The following PTPRK variants were observed in gnomAD, a reference collection of about 807,000 sequenced individuals.
The protein encoded by PTPRK is protein tyrosine phosphatase receptor type K, also known as receptor-type tyrosine-protein phosphatase kappa.
A neutral mutation model predicts 178.0 loss-of-function variants in PTPRK; 75 were observed. That is an observed-to-expected ratio of 0.42 (90% CI 0.35 to 0.51). The LOEUF is 0.51. Among genes scored for constraint, PTPRK ranks in the 20% least tolerant of loss-of-function variants. The pLI, the probability that PTPRK is intolerant of heterozygous loss-of-function variation, is 0.02. For missense variants in PTPRK, 1,441 were observed against 1,797.8 expected, an observed-to-expected ratio of 0.80 and a Z score of 3.59; for synonymous variants, 637 against 620.6, an observed-to-expected ratio of 1.03 and a Z score of -0.39.
intron 7 of PTPRK, among the ~76,000 whole-genome samples, chr6:128,153,287 T>G (rs1327587887): frequency 6.6e-6 from 1 of 151,630 alleles, no homozygotes; most frequent in African/African-American, 2.4e-5. Context: ...TAGTGAAGAC[T>G]GATTAAAAAA....
At chr6:128,255,760 C>T (rs1817186904) in intron 3 of PTPRK, among the ~76,000 whole-genome samples, 1 of 152,192 alleles carries the variant, frequency 6.6e-6, no homozygotes, top group Non-Finnish European at 1.5e-5. Flanking sequence ...GTGGGTGGGA[C>T]CCACCGATCC....
chr6:128,441,232 T>C (rs1050780844), intron 1 of PTPRK, among the ~76,000 whole-genome samples: 2 of 152,194 alleles, frequency 1.3e-5, no homozygotes, highest in African/African-American at 4.8e-5. Flanking sequence ...ACCAACACTA[T>C]GAATTTTGGG....
At chr6:128,429,153 A>C (rs981275789) in intron 1 of PTPRK, among the ~76,000 whole-genome samples, 1 of 152,328 alleles carries the variant, frequency 6.6e-6, no homozygotes, top group African/African-American at 2.4e-5. Flanking sequence ...CACTTAGCTT[A>C]TGTGTGTGTC....
At chr6:128,488,608 A>G (rs1354125786) in intron 1 of PTPRK, among the ~76,000 whole-genome samples, 1 of 152,184 alleles carries the variant, frequency 6.6e-6, no homozygotes, top group African/African-American at 2.4e-5. Context: ...TAAGGGTTCC[A>G]CCTCACCTTT....
chr6:128,120,349 C>A (rs1467302196), intron 7 of PTPRK, among the ~76,000 whole-genome samples: 1 of 151,930 alleles, frequency 6.6e-6, no homozygotes, highest in African/African-American at 2.4e-5. Context: ...ACCTCAGAAA[C>A]TTCTGAATGT....
intron 2 of PTPRK, among the ~76,000 whole-genome samples, chr6:128,379,326 A>T (rs1244848447): frequency 6.6e-6 from 1 of 152,110 alleles, no homozygotes; most frequent in Non-Finnish European, 1.5e-5. Flanking sequence ...TCATTCTTTG[A>T]GATATTGACT....
chr6:128,249,310 A>AAC (rs1816054506), intron 3 of PTPRK, among the ~76,000 whole-genome samples: 1 of 150,456 alleles, frequency 6.6e-6, no homozygotes, highest in African/African-American at 2.5e-5. Context: ...AAAAAAAAAA[A>AAC]AAACAGTATT....
chr6:128,330,084 A>G (rs1830073714), intron 2 of PTPRK, among the ~76,000 whole-genome samples: 1 of 152,318 alleles, frequency 6.6e-6, no homozygotes, highest in Admixed American at 6.5e-5. Flanking sequence ...CAGTAGTAAC[A>G]AAGAACATGC....
At chr6:128,479,242 C>T (rs1484035702) in intron 1 of PTPRK, among the ~76,000 whole-genome samples, 1 of 151,940 alleles carries the variant, frequency 6.6e-6, no homozygotes, top group African/African-American at 2.4e-5. Flanking sequence ...AAAGTTATTG[C>T]AACTAATTCA....
rs558261132 is a variant in PTPRK, at chr6:128,202,271, C to T, written c.868+16651G>A. ...AAGCCCCACTCCCAGCCAGGGGAAG[C>T]GGTGAGGAATTATGTAACCCTGCCC... On this transcript the variant is annotated intron_variant, in intron 6 of 29. Coordinates refer to ENST00000368226, the MANE Select transcript of PTPRK (RefSeq NM_002844.4). Among the ~76,000 whole-genome samples, 7 of 152,266 alleles carry T rather than the reference C, an allele frequency of 4.6e-5. No homozygotes were observed. In the East Asian group the frequency reaches 5.8e-4, roughly 13 times the overall value.
At chr6:128,080,288 A>G (rs1026348535) in intron 10 of PTPRK, among the ~76,000 whole-genome samples, 1 of 152,022 alleles carries the variant, frequency 6.6e-6, no homozygotes, top group African/African-American at 2.4e-5. Context: ...GGGAGGAGTC[A>G]TGCAAAGAAG....
At chr6:128,350,388 A>C (rs1832965266) in intron 2 of PTPRK, among the ~76,000 whole-genome samples, 1 of 152,200 alleles carries the variant, frequency 6.6e-6, no homozygotes, top group Non-Finnish European at 1.5e-5. Context: ...AATTTTGTTA[A>C]AATTCAAGAA....
Position 128,009,270 on chromosome 6 carries a change from T to C in PTPRK, c.2195-2A>G. The C allele has an allele frequency of 6.3e-7, 1 of 1,590,750 alleles. No homozygotes were observed. The highest frequency in any genetic ancestry group is 8.5e-7 in the Non-Finnish European group (1 of 1,169,726). On this transcript the variant is annotated splice_acceptor_variant, in intron 13 of 29. Transcript: ENST00000368226. LOFTEE classifies it high-confidence loss of function. The stretch of plus-strand genomic sequence containing the variant: ...CTTCTGGTTCTTCTGTTGCTGCTGC[T>C]AAATGGATAAAAAAAAAAATCAGTT...
intron 3 of PTPRK, among the ~76,000 whole-genome samples, chr6:128,262,857 C>CAAAAAAAAAAAAAAAAA (rs747334195): frequency 3.7e-4 from 28 of 75,064 alleles, no homozygotes; most frequent in African/African-American, 1.3e-3. Flanking sequence ...AACCAATAAC[C>CAAAAAAAAAAAAAAAAA]AAAAAAAAAA....
intron 1 of PTPRK, among the ~76,000 whole-genome samples, chr6:128,430,611 A>G (rs112224152): frequency 5.9e-5 from 9 of 152,366 alleles, no homozygotes; most frequent in African/African-American, 2.2e-4. Context: ...GAGAGTGTAT[A>G]AAACACACAT....
chr6:128,110,067 ATTTGT>A (rs1435079078), intron 7 of PTPRK, among the ~76,000 whole-genome samples: 1 of 151,900 alleles, frequency 6.6e-6, no homozygotes, highest in East Asian at 1.9e-4. Context: ...CACCATGTTG[ATTTGT>A]TTTATTTTTT....
chr6:128,010,255 A>G (rs888743594), intron 13 of PTPRK, among the ~76,000 whole-genome samples: 5 of 151,266 alleles, frequency 3.3e-5, no homozygotes, highest in Admixed American at 1.3e-4. Context: ...TGGTGTAACA[A>G]GAGTCCAGGT....
intron 3 of PTPRK, among the ~76,000 whole-genome samples, chr6:128,315,104 GC>G (rs1218774368): frequency 2.0e-5 from 3 of 152,044 alleles, no homozygotes; most frequent in Non-Finnish European, 4.4e-5. Context: ...CTCTTTGTAA[GC>G]CTTACATTAC....
Position 128,397,659 on chromosome 6 carries a change from C to A in PTPRK, c.130G>T (p.Ala44Ser), listed in dbSNP as rs368459175. Residue 44 changes from alanine (A) to serine (S), a missense_variant, in exon 2 of 30, where the codon GCC becomes TCC. By Grantham distance (99) the Ala-to-Ser change is moderately conservative. Around this residue, in one of 4 missense-constraint regions of PTPRK, gnomAD observed 158 missense variants for 188.0 expected, o/e 0.84. Transcript: ENST00000368226. ...GGCTFDDGPG[A>S]CDYHQDLYDD... ...TACAGATCCTGGTGGTAATCACAGG[C>A]CCCTGGACCATCATCAAAAGTACAG... 1.1e-5 allele frequency: 18 copies of A among 1,612,962 alleles called. No homozygotes were observed. The highest frequency in any genetic ancestry group is 1.4e-5 in the Non-Finnish European group (16 of 1,179,072).
Sources: allele counts gnomAD v4.1 joint callset (sites outside exome capture counted in the v4.1 genomes callset), GRCh38; gene constraint gnomAD v4.1.1; regional missense constraint gnomAD v4.1.1; transcripts MANE v1.5; gene names NCBI Gene and HGNC (gene_info 2026-07-23, HGNC 2026-07-21).